Variants in JARID2 observed in about 807,000 individuals in gnomAD.
JARID2 encodes jumonji and AT-rich interaction domain containing 2.
A neutral mutation model predicts 125.6 loss-of-function variants in JARID2; 21 were observed. The observed-to-expected ratio is 0.17, with a 90% CI of 0.12 to 0.24. The LOEUF (loss-of-function observed/expected upper bound fraction) is 0.24. JARID2 is among the 10% of genes least tolerant of loss of function. The probability of loss-of-function intolerance (pLI) is 1.00; values close to 1 mark genes in which losing one functional copy is unlikely to be tolerated. For missense variants in JARID2, 1,303 were observed against 1,639.6 expected (o/e 0.79, Z 3.55); for synonymous variants, 736 against 661.6 (o/e 1.11, Z -1.73).
intron 1 of JARID2, among the ~76,000 whole-genome samples, chr6:15,301,492 G>A (rs1469026713): frequency 6.6e-6 from 1 of 151,780 alleles, no homozygotes; most frequent in East Asian, 1.9e-4. Flanking sequence ...TTTATTTATT[G>A]ACTGTGGAGG....
At chr6:15,372,393 C>T (rs949505185) in intron 1 of JARID2, among the ~76,000 whole-genome samples, 2 of 152,166 alleles carry the variant, frequency 1.3e-5, no homozygotes, top group African/African-American at 4.8e-5. Flanking sequence ...GAGTTTTGCT[C>T]TGTCTCCCAG....
At chr6:15,473,699 G>A (rs935085611) in intron 5 of JARID2, among the ~76,000 whole-genome samples, 1 of 152,102 alleles carries the variant, frequency 6.6e-6, no homozygotes, top group African/African-American at 2.4e-5. Context: ...CTTTTGTGAA[G>A]TCATATGAAA....
intron 1 of JARID2, among the ~76,000 whole-genome samples, chr6:15,319,538 C>G (rs1762283730): frequency 1.3e-5 from 2 of 152,126 alleles, no homozygotes; most frequent in African/African-American, 2.4e-5. Context: ...GCTGGGAGCA[C>G]AAGTGTGCGC....
intron 17 of JARID2, among the ~76,000 whole-genome samples, chr6:15,518,618 A>G (rs1771679392): frequency 6.6e-6 from 1 of 151,898 alleles, no homozygotes; most frequent in African/African-American, 2.4e-5. Context: ...AGTAGCTGGG[A>G]TTACAGGTGC....
intron 3 of JARID2, among the ~76,000 whole-genome samples, chr6:15,438,091 G>T (rs182994991): frequency 2.0e-5 from 3 of 152,278 alleles, no homozygotes; most frequent in Non-Finnish European, 2.9e-5. Context: ...GAAATGGGTT[G>T]TGGGGTGGTG....
chr6:15,337,867 T>G (rs1762933213), intron 1 of JARID2, among the ~76,000 whole-genome samples: 1 of 152,138 alleles, frequency 6.6e-6, no homozygotes, highest in Non-Finnish European at 1.5e-5. Context: ...TAAAATGCTT[T>G]TTCAGTCCCA....
intron 1 of JARID2, among the ~76,000 whole-genome samples, chr6:15,331,786 C>T (rs927869795): frequency 1.3e-5 from 2 of 152,154 alleles, no homozygotes; most frequent in African/African-American, 4.8e-5. Flanking sequence ...TGCCATTGCA[C>T]TCCAGCCTGG....
intron 1 of JARID2, among the ~76,000 whole-genome samples, chr6:15,341,144 G>A (rs707833): frequency 0.57 from 86,519 of 151,980 alleles, 25,166 homozygotes; most frequent in Admixed American, 0.68. Context: ...TTTTTGATGG[G>A]TTCTTCTGTG....
chr6:15,267,238 C>T (rs1246613684), intron 1 of JARID2, among the ~76,000 whole-genome samples: 1 of 152,156 alleles, frequency 6.6e-6, no homozygotes, highest in African/African-American at 2.4e-5. Context: ...CTCTCCTAAA[C>T]TATTCTCCCA....
chr6:15,358,115 A>G (rs1417353528), intron 1 of JARID2, among the ~76,000 whole-genome samples: 16 of 152,240 alleles, frequency 1.1e-4, no homozygotes, highest in Admixed American at 8.5e-4. Flanking sequence ...AAAATTGGAA[A>G]GTGTTTTCTT....
intron 1 of JARID2, among the ~76,000 whole-genome samples, chr6:15,282,848 A>C (rs1164940142): frequency 6.6e-6 from 1 of 152,026 alleles, no homozygotes; most frequent in East Asian, 1.9e-4. Context: ...TGATCGGTCC[A>C]CCTCGGCCTC....
At chr6:15,288,595 T>A (rs1024831845) in intron 1 of JARID2, among the ~76,000 whole-genome samples, 9 of 152,248 alleles carry the variant, frequency 5.9e-5, no homozygotes, top group Non-Finnish European at 1.0e-4. Flanking sequence ...ATATGTTAGC[T>A]GTTTATAGTT....
At position 15,501,798 on chromosome 6, in the gene JARID2, T is replaced by C. The variant is rs1024423337; in HGVS notation, c.2448+389T>C. Among the ~76,000 whole-genome samples, 4 of 152,134 alleles carry C rather than the reference T, an allele frequency of 2.6e-5. 1 individual carries two copies. Among genetic ancestry groups the C allele is most frequent in the South Asian group, 4.1e-4 (2 of 4,824 alleles). ...CGGGTTTCCTTTTCATTAACTGGCT[T>C]GCGTGTGCGTGTTGCATGCACGTGC... On this transcript the variant is annotated intron_variant, in intron 8 of 17. Transcript: ENST00000341776.
intron 2 of JARID2, among the ~76,000 whole-genome samples, chr6:15,391,041 G>A (rs1284885407): frequency 1.3e-5 from 2 of 152,282 alleles, no homozygotes; most frequent in African/African-American, 4.8e-5. Context: ...TTAAAAGGGC[G>A]ATCATTATTG....
chr6:15,416,556 C>T (rs893134173), intron 3 of JARID2, among the ~76,000 whole-genome samples: 5 of 152,090 alleles, frequency 3.3e-5, no homozygotes, highest in African/African-American at 4.8e-5. Context: ...GGCGTGGTGG[C>T]GCGCGCCTGC....
chr6:15,360,209 G>T (rs1163757837), intron 1 of JARID2, among the ~76,000 whole-genome samples: 1 of 151,398 alleles, frequency 6.6e-6, no homozygotes, highest in Non-Finnish European at 1.5e-5. Context: ...TTGAGACTGA[G>T]TCTCACTGTG....
intron 2 of JARID2, among the ~76,000 whole-genome samples, chr6:15,406,456 A>G (rs898010845): frequency 6.6e-5 from 10 of 152,174 alleles, no homozygotes; most frequent in Admixed American, 4.6e-4. Flanking sequence ...AGGGGAGCCT[A>G]TGGCCCTTTA....
intron 3 of JARID2, among the ~76,000 whole-genome samples, chr6:15,423,107 C>G (rs1013159132): frequency 5.3e-5 from 8 of 151,818 alleles, no homozygotes; most frequent in African/African-American, 1.7e-4. Context: ...GCAAGTGATC[C>G]TCCTGTCTCA....
In JARID2 at chr6:15,345,852, C is replaced by T. The variant is rs569368719; in HGVS notation, c.46-28265C>T. Reference sequence around the variant, plus strand: ...ATTGAGCCTTGGGTGGACCAGAAGGCTCACACTGATGAAGCCTTGGGAAGG... The same window carrying T: ...ATTGAGCCTTGGGTGGACCAGAAGGTTCACACTGATGAAGCCTTGGGAAGG... On this transcript the variant is annotated intron_variant, in intron 1 of 17. Transcript: ENST00000341776. 3.3e-5 allele frequency among the ~76,000 whole-genome samples: 5 copies of T among 152,280 alleles called. No homozygotes were observed. In the South Asian group the frequency reaches 8.3e-4, roughly 25 times the overall value.
Sources: allele counts gnomAD v4.1 joint callset (sites outside exome capture counted in the v4.1 genomes callset), GRCh38; gene constraint gnomAD v4.1.1; transcripts MANE v1.5; gene names NCBI Gene and HGNC (gene_info 2026-07-23, HGNC 2026-07-21).